The following IQSEC1 variants were observed in gnomAD, a reference collection of about 807,000 sequenced individuals.
The protein encoded by IQSEC1 is IQ motif and SEC7 domain-containing protein 1.
IQSEC1 carries 31 observed loss-of-function variants against 91.0 expected under a neutral mutation model. The observed-to-expected ratio is 0.34, with a 90% CI of 0.26 to 0.46. IQSEC1 has a LOEUF of 0.46. Among genes scored for constraint, IQSEC1 ranks in the 20% least tolerant of loss-of-function variants. IQSEC1 has a pLI of 1.00. For missense variants in IQSEC1, 1,388 were observed against 1,575.6 expected, an observed-to-expected ratio of 0.88 and a Z score of 2.02; for synonymous variants, 699 against 662.6, an observed-to-expected ratio of 1.05 and a Z score of -0.84.
At chr3:12,902,686 A>AAAAAAAAAAAAC in intron 13 of IQSEC1, 87 bp downstream of exon 13, 1 of 677,766 alleles carries the variant, frequency 1.5e-6, no homozygotes, top group Non-Finnish European at 2.4e-6. Context: ...AAAAAAAAAA[A>AAAAAAAAAAAAC]AAAAAAAACC....
In IQSEC1 at chr3:12,898,682, C is replaced by T. The variant is rs879261093; in HGVS notation, c.*2301G>A. ...TTACAGTTAGACTCTCCTCCCAGCA[C>T]AGAAGAGGGTGAGAAAAGCTGACAT... is the stretch of plus-strand genomic sequence containing the variant. On this transcript the variant is annotated 3_prime_UTR_variant, in exon 14 of 14. Coordinates refer to ENST00000613206, the MANE Select transcript of IQSEC1 (RefSeq NM_001134382.3). 1 of 152,298 alleles carries T rather than the reference C, an allele frequency of 6.6e-6. No individual in the cohort carries two copies. Among genetic ancestry groups the T allele is most frequent in the Non-Finnish European group, 1.5e-5 (1 of 68,092 alleles). The allele number at this position is 152,298 out of a possible 1,614,324, so 9.4% of individuals were successfully genotyped here.
chr3:12,922,092 C>G lies in IQSEC1; in HGVS notation c.1853+28G>C. On this transcript the variant is annotated intron_variant, in intron 5 of 13. Transcript: ENST00000613206. This position sits in a 1 kb window ranked among gnomAD's most constrained non-coding sequence, Gnocchi z 5.1. Reference sequence around the variant, plus strand: ...TGGGGGACACCATTCTTCCCTGATGCAGCAGCCCCAGCCAGCCCGGGCCCC... The same window carrying G: ...TGGGGGACACCATTCTTCCCTGATGGAGCAGCCCCAGCCAGCCCGGGCCCC... 7 of 1,544,742 alleles carry G rather than the reference C, an allele frequency of 4.5e-6. No individual in the cohort carries two copies. The highest frequency in any genetic ancestry group is 1.4e-5 in the African/African-American group (1 of 72,584).
intron 1 of IQSEC1, chr3:13,022,296 C>A (rs77899017): frequency 5.8e-6 from 7 of 1,215,206 alleles, no homozygotes; most frequent in Non-Finnish European, 6.1e-6. Context: ...CACTGCAGGG[C>A]TGAGCCACAG....
At chr3:13,020,456 G>T (rs1703348117) in intron 1 of IQSEC1, among the ~76,000 whole-genome samples, 1 of 152,222 alleles carries the variant, frequency 6.6e-6, no homozygotes, top group Non-Finnish European at 1.5e-5. Flanking sequence ...TCACCCAGCA[G>T]CAGAGACAAC....
intron 1 of IQSEC1, among the ~76,000 whole-genome samples, chr3:13,009,672 T>A (rs906450509): frequency 2.6e-5 from 4 of 151,408 alleles, no homozygotes; most frequent in Admixed American, 6.6e-5. Flanking sequence ...TATATATGTG[T>A]GTGTGTGTGT....
intron 1 of IQSEC1, among the ~76,000 whole-genome samples, chr3:13,167,873 G>A (rs993152038): frequency 6.6e-6 from 1 of 152,196 alleles, no homozygotes; most frequent in Non-Finnish European, 1.5e-5. Context: ...TGCAGCTCTG[G>A]TTCTGCAAAT....
intron 2 of IQSEC1, among the ~76,000 whole-genome samples, chr3:13,123,570 A>C (rs187342940): frequency 4.6e-5 from 7 of 152,334 alleles, no homozygotes; most frequent in Non-Finnish European, 7.3e-5. Flanking sequence ...TGCCCCTGGA[A>C]ATGATTGGCT....
At chr3:13,045,469 C>T (rs183928896) in intron 1 of IQSEC1, among the ~76,000 whole-genome samples, 11 of 152,262 alleles carry the variant, frequency 7.2e-5, no homozygotes, top group East Asian at 3.9e-4. Flanking sequence ...GGGGCTCCTA[C>T]GGCCTCCGCT....
chr3:12,991,773 T>C (rs1702001331), intron 1 of IQSEC1, among the ~76,000 whole-genome samples: 1 of 152,144 alleles, frequency 6.6e-6, no homozygotes, highest in Non-Finnish European at 1.5e-5. Context: ...AGGACACAAA[T>C]GGTCGCAGTT....
At chr3:12,902,700 A>G (rs1575836916) in intron 13 of IQSEC1, 73 bp downstream of exon 13, 9 of 637,400 alleles carry the variant, frequency 1.4e-5, no homozygotes, top group South Asian at 8.5e-5. Context: ...AAAAACCAGG[A>G]CAACAGATAT....
At chr3:13,026,864 G>GCTTTTTTTTTT (rs370534423) in intron 1 of IQSEC1, among the ~76,000 whole-genome samples, 1 of 90,864 alleles carries the variant, frequency 1.1e-5, no homozygotes, top group Non-Finnish European at 2.5e-5. Flanking sequence ...TATCTCCCCA[G>GCTTTTTTTTTT]TTTTTTTTTT....
At position 12,924,641 on chromosome 3, in the gene IQSEC1, C is replaced by T. The variant is rs773319025; in HGVS notation, c.1670G>A (p.Arg557Gln). 6.2e-6 allele frequency: 10 copies of T among 1,611,070 alleles called. No homozygotes were observed. Among genetic ancestry groups the T allele is most frequent in the African/African-American group, 1.3e-5 (1 of 74,950 alleles). Residue 557 changes from arginine (R) to glutamine (Q), a missense_variant, in exon 4 of 14, where the codon CGG becomes CAG. Transcript: ENST00000613206. This position sits in a 1 kb window ranked among gnomAD's most constrained non-coding sequence, Gnocchi z 6.3. ...HFLLQRKGLS[R>Q]QMIGEFLGNR... ...GCCCAGGAACTCGCCGATCATCTGC[C>T]GGCTGAGGCCCTTGCGCTGCAGCAG...
intron 2 of IQSEC1, among the ~76,000 whole-genome samples, chr3:13,149,325 G>C (rs766416297): frequency 1.3e-5 from 2 of 151,556 alleles, no homozygotes; most frequent in African/African-American, 4.9e-5. Flanking sequence ...TTTGAAAGCC[G>C]TCCTGAAGAG....
intron 1 of IQSEC1, among the ~76,000 whole-genome samples, chr3:13,180,293 T>G (rs1406362705): frequency 6.6e-6 from 1 of 152,194 alleles, no homozygotes; most frequent in African/African-American, 2.4e-5. Context: ...GCACCCTGTG[T>G]CTAGCTCAGG....
chr3:13,278,253 C>G (rs938070960), intron 1 of IQSEC1, among the ~76,000 whole-genome samples: 1 of 152,142 alleles, frequency 6.6e-6, no homozygotes, highest in Non-Finnish European at 1.5e-5. Flanking sequence ...GGGCTTCCCC[C>G]CCCCACCCCC....
intron 2 of IQSEC1, among the ~76,000 whole-genome samples, chr3:12,937,765 C>G (rs954442416): frequency 6.6e-6 from 1 of 152,206 alleles, no homozygotes; most frequent in African/African-American, 2.4e-5. Flanking sequence ...ATTTACAGTT[C>G]GTAAAGCCCC....
intron 2 of IQSEC1, among the ~76,000 whole-genome samples, chr3:13,116,855 A>G (rs2124880642): frequency 6.6e-6 from 1 of 152,328 alleles, no homozygotes; most frequent in East Asian, 1.9e-4. Flanking sequence ...CAAAGACCTA[A>G]GTGTAAGAGC....
At chr3:13,117,570 A>AT (rs1706357270) in intron 2 of IQSEC1, among the ~76,000 whole-genome samples, 1 of 66,748 alleles carries the variant, frequency 1.5e-5, no homozygotes, top group African/African-American at 6.6e-5. Flanking sequence ...ACTCCGTCTC[A>AT]AAAAAAAAAA....
In IQSEC1 at chr3:12,899,374, C is replaced by T; in HGVS notation, c.*1609G>A. On this transcript the variant is annotated 3_prime_UTR_variant, in exon 14 of 14. Transcript: ENST00000613206. Reference sequence around the variant, plus strand: ...GCCTGGGCAGGCGCCGGGGGGCAGTCCTCGGGTCCCATGGCTTAGGAGCAC... The same window carrying T: ...GCCTGGGCAGGCGCCGGGGGGCAGTTCTCGGGTCCCATGGCTTAGGAGCAC... 1 of 1,612,684 alleles carries T rather than the reference C, an allele frequency of 6.2e-7. No homozygotes were observed. Among genetic ancestry groups the T allele is most frequent in the South Asian group, 1.1e-5 (1 of 90,996 alleles).
Sources: allele counts gnomAD v4.1 joint callset (sites outside exome capture counted in the v4.1 genomes callset), GRCh38; gene constraint gnomAD v4.1.1; non-coding constraint Gnocchi (gnomAD v3.1); transcripts MANE v1.5; gene names NCBI Gene and HGNC (gene_info 2026-07-23, HGNC 2026-07-21).